The following BICC1 variants were observed in gnomAD, a reference collection of about 807,000 sequenced individuals.
The protein encoded by BICC1 is BicC family RNA binding protein 1.
Under a neutral mutation model 111.0 loss-of-function variants are expected in BICC1, and 43 were observed. The ratio of observed to expected loss-of-function variants is 0.39; its 90% CI spans 0.30 to 0.50. The LOEUF is 0.50. Ranked by LOEUF, BICC1 falls within the 20% of genes least tolerant of loss-of-function variation. The probability of loss-of-function intolerance (pLI) is 0.88; values close to 1 mark genes in which losing one functional copy is unlikely to be tolerated. For synonymous variants in BICC1, 467 were observed against 434.4 expected, an observed-to-expected ratio of 1.07 and a Z score of -0.93; for missense variants, 1,091 against 1,203.2, an observed-to-expected ratio of 0.91 and a Z score of 1.38.
At chr10:58,674,019 A>G (rs567204707) in intron 2 of BICC1, among the ~76,000 whole-genome samples, 2 of 152,162 alleles carry the variant, frequency 1.3e-5, no homozygotes, top group Non-Finnish European at 2.9e-5. Context: ...ACTGTAGGCC[A>G]TATTGTGTTT....
At chr10:58,811,862 C>G (rs1386540216) in intron 17 of BICC1, among the ~76,000 whole-genome samples, 2 of 152,040 alleles carry the variant, frequency 1.3e-5, no homozygotes, top group Non-Finnish European at 2.9e-5. Context: ...GAGTAGTAGG[C>G]CAAGGGAACA....
chr10:58,729,359 T>G (rs1403110198), intron 3 of BICC1, among the ~76,000 whole-genome samples: 2 of 152,228 alleles, frequency 1.3e-5, no homozygotes, highest in African/African-American at 2.4e-5. Flanking sequence ...TTCTTAAACT[T>G]TATGAACCTG....
intron 3 of BICC1, among the ~76,000 whole-genome samples, chr10:58,736,911 GAA>G (rs1378587645): frequency 6.6e-6 from 1 of 151,946 alleles, no homozygotes; most frequent in African/African-American, 2.4e-5. Flanking sequence ...AACAAATAAA[GAA>G]AATAGAACTA....
At chr10:58,701,464 A>AGT (rs1333085076) in intron 2 of BICC1, among the ~76,000 whole-genome samples, 1 of 152,152 alleles carries the variant, frequency 6.6e-6, no homozygotes, top group East Asian at 1.9e-4. Flanking sequence ...CCTCCTAGAC[A>AGT]GTGTTAGCTG....
At chr10:58,529,282 T>A (rs1401726545) in intron 1 of BICC1, among the ~76,000 whole-genome samples, 1 of 151,952 alleles carries the variant, frequency 6.6e-6, no homozygotes, top group Non-Finnish European at 1.5e-5. Context: ...CCACTAGAGT[T>A]GCAGGGCAGG....
chr10:58,725,002 A>G (rs1841058482), intron 3 of BICC1, among the ~76,000 whole-genome samples: 1 of 152,062 alleles, frequency 6.6e-6, no homozygotes, highest in Non-Finnish European at 1.5e-5. Context: ...GCAGATGTAA[A>G]CTGATATACC....
At chr10:58,823,683 T>C in intron 20 of BICC1, 1 of 984,724 alleles carries the variant, frequency 1.0e-6, no homozygotes. Flanking sequence ...ATTCCTTTTT[T>C]TTCTTTGCTG....
At chr10:58,518,942 T>G (rs1842318707) in intron 1 of BICC1, among the ~76,000 whole-genome samples, 1 of 152,152 alleles carries the variant, frequency 6.6e-6, no homozygotes, top group South Asian at 2.1e-4. Context: ...CATTGATAAA[T>G]ACATAGCTAG....
At chr10:58,780,928 T>G (rs1025429197) in intron 3 of BICC1, among the ~76,000 whole-genome samples, 1 of 152,190 alleles carries the variant, frequency 6.6e-6, no homozygotes, top group African/African-American at 2.4e-5. Flanking sequence ...CTTACAGATA[T>G]CCATATGAAA....
intron 1 of BICC1, among the ~76,000 whole-genome samples, chr10:58,601,584 C>G (rs1845041998): frequency 6.6e-6 from 1 of 151,658 alleles, no homozygotes; most frequent in Non-Finnish European, 1.5e-5. Context: ...TTTTTAAGAC[C>G]TAGACTCTTA....
At chr10:58,517,036 G>A (rs1842260485) in intron 1 of BICC1, among the ~76,000 whole-genome samples, 1 of 152,042 alleles carries the variant, frequency 6.6e-6, no homozygotes, top group South Asian at 2.1e-4. Context: ...ACATATATGT[G>A]TACTATAAAA....
chr10:58,793,863 C>A (rs1843260893), intron 9 of BICC1, among the ~76,000 whole-genome samples: 1 of 152,050 alleles, frequency 6.6e-6, no homozygotes, highest in Non-Finnish European at 1.5e-5. Flanking sequence ...TGCAGATATT[C>A]CCAAATCCCC....
intron 3 of BICC1, among the ~76,000 whole-genome samples, chr10:58,737,860 G>A (rs1841523823): frequency 6.6e-6 from 1 of 152,124 alleles, no homozygotes; most frequent in Non-Finnish European, 1.5e-5. Flanking sequence ...ATTTTTTCAT[G>A]TGTCTTTTGG....
At chr10:58,654,299 C>T (rs1244554218) in intron 2 of BICC1, among the ~76,000 whole-genome samples, 3 of 105,942 alleles carry the variant, frequency 2.8e-5, no homozygotes, top group East Asian at 5.6e-4. Context: ...GTACCACCAA[C>T]AGTGTGAAAG....
intron 2 of BICC1, among the ~76,000 whole-genome samples, chr10:58,632,374 ACAGTT>A (rs919777513): frequency 1.3e-5 from 2 of 152,198 alleles, no homozygotes; most frequent in African/African-American, 4.8e-5. Flanking sequence ...TATACCATGT[ACAGTT>A]CTACAGAGGG....
Position 58,798,235 on chromosome 10 carries a change from T to A in BICC1, c.1367-164T>A, listed in dbSNP as rs190894451. ...TGCTTCCTCTGTTGGAGCTGTATGATGCAAAACTCATGTGAGTATTTGAAA... is the reference window on the plus strand; with the variant it reads ...TGCTTCCTCTGTTGGAGCTGTATGAAGCAAAACTCATGTGAGTATTTGAAA... On this transcript the variant is annotated intron_variant, in intron 10 of 20. Coordinates refer to ENST00000373886, the MANE Select transcript of BICC1 (RefSeq NM_001080512.3). 1.9e-3 allele frequency among the ~76,000 whole-genome samples: 293 copies of A among 152,318 alleles called. 3 individuals carry two copies. Among genetic ancestry groups the A allele is most frequent in the African/African-American group, 6.5e-3 (272 of 41,570 alleles).
At chr10:58,667,451 G>T (rs989663898) in intron 2 of BICC1, among the ~76,000 whole-genome samples, 1 of 542 alleles carries the variant, frequency 1.8e-3, no homozygotes, top group Non-Finnish European at 3.9e-3. Context: ...AATTCTTAGG[G>T]AAGGTAGTTT....
intron 1 of BICC1, among the ~76,000 whole-genome samples, chr10:58,520,337 A>G (rs1842356095): frequency 6.6e-6 from 1 of 152,150 alleles, no homozygotes; most frequent in Admixed American, 6.5e-5. Flanking sequence ...AAATCTTGTT[A>G]TGCTGCAAAA....
intron 1 of BICC1, among the ~76,000 whole-genome samples, chr10:58,572,486 T>C (rs985507618): frequency 1.3e-5 from 2 of 152,178 alleles, no homozygotes; most frequent in African/African-American, 4.8e-5. Context: ...GATGATCTTG[T>C]TGGAAGCCAG....
Sources: gnomAD v4.1 joint callset for allele counts (sites outside exome capture counted in the v4.1 genomes callset) on GRCh38, gnomAD v4.1.1 for gene constraint, MANE v1.5 for transcripts, NCBI Gene and HGNC (gene_info 2026-07-23, HGNC 2026-07-21) for gene names.